The following MYO7A variants were observed in gnomAD, a reference collection of about 807,000 sequenced individuals.
MYO7A encodes the protein unconventional myosin-VIIa.
MYO7A carries 210 observed loss-of-function variants against 263.8 expected under a neutral mutation model. The observed-to-expected ratio is 0.80, with a 90% CI of 0.71 to 0.89. MYO7A has a LOEUF of 0.89. Among genes scored for constraint, MYO7A ranks in the 40% least tolerant of loss-of-function variants. MYO7A has a pLI of 0.00. For missense variants in MYO7A, 2,820 were observed against 2,968.3 expected (o/e 0.95, Z 1.16); for synonymous variants, 1,239 against 1,197.3 (o/e 1.03, Z -0.72).
chr11:77,181,313 G>A (rs1230029289), intron 22 of MYO7A, 67 bp from the exon 23 acceptor site: 3 of 1,424,724 alleles, frequency 2.1e-6, no homozygotes, highest in African/African-American at 1.4e-5. Flanking sequence ...CCCAGGGAGA[G>A]CTTGTTCCCT....
chr11:77,157,035 G>T, intron 7 of MYO7A, 31 bp downstream of exon 7: 1 of 1,604,110 alleles, frequency 6.2e-7, no homozygotes, highest in African/African-American at 1.3e-5. Context: ...TGCAGGAATA[G>T]ACCCAGGCCC....
intron 15 of MYO7A, among the ~76,000 whole-genome samples, chr11:77,169,021 T>C (rs541803314): frequency 9.2e-5 from 14 of 152,370 alleles, no homozygotes; most frequent in Non-Finnish European, 1.5e-4. Flanking sequence ...AAACGTCACA[T>C]CTTAGGAAAG....
chr11:77,173,006 G>C, intron 16 of MYO7A, 121 bp downstream of exon 16: 1 of 1,368,750 alleles, frequency 7.3e-7, no homozygotes, highest in Non-Finnish European at 9.8e-7. Flanking sequence ...GGAATGGGGG[G>C]CACCCCGGGA....
intron 37 of MYO7A, among the ~76,000 whole-genome samples, 167 bp from the exon 38 acceptor site, chr11:77,202,893 C>G (rs1565468439): frequency 6.7e-6 from 1 of 149,552 alleles, no homozygotes; most frequent in Non-Finnish European, 1.5e-5. Context: ...CAGTGACTGC[C>G]AGTGACTCGC....
At chr11:77,173,635 G>A (rs1954346111) in intron 16 of MYO7A, among the ~76,000 whole-genome samples, 1 of 152,146 alleles carries the variant, frequency 6.6e-6, no homozygotes, top group African/African-American at 2.4e-5. Flanking sequence ...CCAGAGGCCT[G>A]CAGGGAGGCA....
At chr11:77,203,537 C>T (rs1957224192) in intron 38 of MYO7A, among the ~76,000 whole-genome samples, 1 of 152,160 alleles carries the variant, frequency 6.6e-6, no homozygotes, top group African/African-American at 2.4e-5. Context: ...CCCGGCAGCA[C>T]TGTGACCTGA....
chr11:77,177,474 C>A, intron 18 of MYO7A, 75 bp from the exon 19 acceptor site: 1 of 1,157,706 alleles, frequency 8.6e-7, no homozygotes, highest in African/African-American at 1.5e-5. Flanking sequence ...GAAGGAAGAG[C>A]AGCCCCCACT....
intron 4 of MYO7A, 149 bp downstream of exon 4, chr11:77,148,099 C>A (rs1951714793): frequency 5.4e-6 from 4 of 740,808 alleles, no homozygotes; most frequent in East Asian, 6.3e-5. Flanking sequence ...GACCCCGGGG[C>A]CCCTGCTGGG....
rs781946292 is a variant in MYO7A at position 77,156,882 on chromosome 11, A to G, written c.613A>G (p.Ile205Val). 5 of 1,613,994 alleles carry G rather than the reference A, an allele frequency of 3.1e-6. No individual in the cohort carries two copies. The highest frequency in any genetic ancestry group is 3.3e-5 in the Admixed American group (2 of 60,038). The change falls in exon 7 of 49, where the codon ATC becomes GTC. Residue 205 changes from isoleucine (I) to valine (V), a missense_variant. Ile to Val is a conservative substitution (Grantham distance 29, BLOSUM62 3). Coordinates refer to ENST00000409709, the MANE Select transcript of MYO7A (RefSeq NM_000260.4). The stretch of plus-strand genomic sequence containing the variant: ...CGCAGCATTTGGGAATGCCAAGACC[A>G]TCCGCAATGACAACTCAAGCCGTTT... ...ILEAFGNAKT[I>V]RNDNSSRFGK... is the part of the protein sequence containing the mutation.
rs768706396 is a variant in MYO7A at position 77,194,478 on chromosome 11, A to C, written c.4277A>C (p.Lys1426Thr). The change falls in exon 32 of 49, where the codon AAG becomes ACG. Residue 1426 changes from lysine (K) to threonine (T), a missense_variant. Transcript: ENST00000409709. ...YIPDREITPL[K>T]TLEKWAQLAI... The stretch of plus-strand genomic sequence containing the variant: ...CCCGACCGCGAGATCACGCCCCTGA[A>C]GACGCTGGAGAAGTGGGCCCAGCTG... 6.2e-7 allele frequency: 1 copy of C among 1,608,646 alleles called. No individual in the cohort carries two copies. Among genetic ancestry groups the C allele is most frequent in the Non-Finnish European group, 8.5e-7 (1 of 1,177,686 alleles).
At position 77,182,488 on chromosome 11, in the gene MYO7A, A is replaced by C; in HGVS notation, c.3173A>C (p.His1058Pro). Residue 1058 changes from histidine to proline, a missense_variant, in exon 25 of 49, where the codon CAC becomes CCC. Physicochemically the swap from His to Pro is moderately conservative, Grantham distance 77. Transcript: ENST00000409709. ...FMGDLPEPKYHTAMSDGSEKI... is the reference protein window; with the variant it reads ...FMGDLPEPKYPTAMSDGSEKI... ...GGGGACCTCCCTGAGCCCAAGTACC[A>C]CACAGCCATGAGTGATGGCAGTGAG... 1 of 1,611,058 alleles carries C rather than the reference A, an allele frequency of 6.2e-7. No homozygotes were observed. The highest frequency in any genetic ancestry group is 2.2e-5 in the East Asian group (1 of 44,870).
intron 10 of MYO7A, 35 bp from the exon 11 acceptor site, chr11:77,160,128 T>C: frequency 6.5e-7 from 1 of 1,542,394 alleles, no homozygotes. Context: ...AGGGGCAGGC[T>C]GGCAGGTGAG....
chr11:77,193,425 T>C (rs1956385293), intron 31 of MYO7A, among the ~76,000 whole-genome samples: 1 of 150,076 alleles, frequency 6.7e-6, no homozygotes, highest in African/African-American at 2.5e-5. Flanking sequence ...GTGATGACAG[T>C]GTTGTTGGTA....
intron 20 of MYO7A, 21 bp from the exon 21 acceptor site, chr11:77,179,714 A>T (rs1955004114): frequency 1.3e-6 from 2 of 1,516,200 alleles, no homozygotes; most frequent in Non-Finnish European, 1.8e-6. Context: ...GGCTCTGAGC[A>T]TGGGGTGGCT....
intron 46 of MYO7A, 44 bp downstream of exon 46, chr11:77,211,981 C>A: frequency 6.7e-7 from 1 of 1,484,916 alleles, no homozygotes; most frequent in Non-Finnish European, 9.4e-7. Context: ...GGGAACAGGG[C>A]ATTGATAAAG....
rs556010443 is a variant in MYO7A, at chr11:77,136,987, G to A, written c.19-5722G>A. 2.7e-3 allele frequency among the ~76,000 whole-genome samples: 412 copies of A among 152,312 alleles called. 3 individuals are homozygous for A. Among genetic ancestry groups the A allele is most frequent in the African/African-American group, 9.5e-3 (396 of 41,564 alleles). On this transcript the variant is annotated intron_variant, in intron 2 of 48. Transcript: ENST00000409709. ...AACAGTGTCCTCTGTACTTTAGTCT[G>A]AACCTGTACTCAGTGAAGGTCGGTT...
rs747428191 is a variant in MYO7A at position 77,206,222 on chromosome 11, A to G, written c.5742+20A>G. On this transcript the variant is annotated intron_variant, in intron 41 of 48. Transcript: ENST00000409709. ...GACGAGGTGAGGGTCACCGGCTTCT[A>G]GGTCTGCAGTGCCCAGGACAGGGCC... 7.6e-6 allele frequency: 12 copies of G among 1,585,934 alleles called. No homozygotes were observed. In the African/African-American group the frequency reaches 1.5e-4, roughly 20 times the overall value.
intron 44 of MYO7A, 93 bp downstream of exon 44, chr11:77,208,896 T>G (rs1591497227): frequency 1.9e-6 from 2 of 1,048,714 alleles, no homozygotes; most frequent in Admixed American, 4.0e-5. Flanking sequence ...TTGCCAGGTG[T>G]GGGGCCCGTA....
At position 77,177,562 on chromosome 11, in the gene MYO7A, T is replaced by G; in HGVS notation, c.2201T>G (p.Met734Arg). 6.2e-7 allele frequency: 1 copy of G among 1,611,158 alleles called. No homozygotes were observed. The highest frequency in any genetic ancestry group is 1.3e-5 in the African/African-American group (1 of 75,010). The part of the protein sequence containing the change: ...TKIFLKDHHD[M>R]LLEVERDKAI... ...TCTGCCTCCTAGGACCACCATGACATGCTGCTGGAAGTGGAGCGGGACAAA... is the reference window on the plus strand; with the variant it reads ...TCTGCCTCCTAGGACCACCATGACAGGCTGCTGGAAGTGGAGCGGGACAAA... The change falls in exon 19 of 49, where the codon ATG becomes AGG. Residue 734 changes from methionine (M) to arginine (R), a missense_variant. By Grantham distance (91) the Met-to-Arg change is moderately conservative. Transcript: ENST00000409709.
Sources: allele counts gnomAD v4.1 joint callset (sites outside exome capture counted in the v4.1 genomes callset), GRCh38; gene constraint gnomAD v4.1.1; transcripts MANE v1.5; gene names NCBI Gene and HGNC (gene_info 2026-07-23, HGNC 2026-07-21).